PBX1: variants seen among roughly 807,000 people sequenced by gnomAD.
PBX1 encodes PBX homeobox 1.
Under a neutral mutation model 53.4 loss-of-function variants are expected in PBX1, and 6 were observed. The ratio of observed to expected loss-of-function variants is 0.11; its 90% CI spans 0.06 to 0.22. The LOEUF (loss-of-function observed/expected upper bound fraction) is 0.22. PBX1 is among the 10% of genes least tolerant of loss of function. PBX1 has a pLI of 1.00. For synonymous variants in PBX1, 204 were observed against 212.3 expected (o/e 0.96, Z 0.34); for missense variants, 251 against 551.4 (o/e 0.46, Z 5.46).
At chr1:164,663,326 CTT>C (rs1347188899) in intron 2 of PBX1, among the ~76,000 whole-genome samples, 1 of 152,018 alleles carries the variant, frequency 6.6e-6, no homozygotes, top group Non-Finnish European at 1.5e-5. Context: ...CTCTCTCTCT[CTT>C]CTTCCCTTTC....
intron 2 of PBX1, among the ~76,000 whole-genome samples, chr1:164,710,575 C>T (rs1273123781): frequency 6.6e-6 from 1 of 152,008 alleles, no homozygotes; most frequent in Non-Finnish European, 1.5e-5. Context: ...CCACACCTGG[C>T]TAATTTTGTA....
intron 2 of PBX1, among the ~76,000 whole-genome samples, chr1:164,588,874 G>A (rs1232917638): frequency 6.6e-6 from 1 of 152,068 alleles, no homozygotes; most frequent in African/African-American, 2.4e-5. Context: ...GCTGAGGGAG[G>A]CTGTTTCTAC....
chr1:164,655,963 G>A (rs1356274430), intron 2 of PBX1, among the ~76,000 whole-genome samples: 1 of 152,082 alleles, frequency 6.6e-6, no homozygotes, highest in African/African-American at 2.4e-5. Flanking sequence ...ATGTAGGATA[G>A]GTATTCACCA....
chr1:164,697,894 C>G (rs2102039693), intron 2 of PBX1, among the ~76,000 whole-genome samples: 1 of 152,312 alleles, frequency 6.6e-6, no homozygotes, highest in Admixed American at 6.5e-5. Context: ...TTGAACTAGA[C>G]AAGAAGAGAC....
chr1:164,749,171 A>G (rs73025087), intron 2 of PBX1, among the ~76,000 whole-genome samples: 5,834 of 152,292 alleles, frequency 0.038, 288 homozygotes, highest in African/African-American at 0.11. Context: ...TCAAATATAC[A>G]ACTCATTGCA....
chr1:164,786,720 T>TGTGCGCGC lies in PBX1; in HGVS notation c.266-5773_266-5772insTGCGCGCG, dbSNP rs1357886882. ...GTGTGTGTGTGTGTGTGTGTGTGTGTGCGCGCGCACACACACACACGCACA... is the reference window on the plus strand; with the variant it reads ...GTGTGTGTGTGTGTGTGTGTGTGTGTGTGCGCGCGCGCGCGCACACACACACACGCACA... On this transcript the variant is annotated intron_variant, in intron 2 of 8. Coordinates refer to ENST00000420696, the MANE Select transcript of PBX1 (RefSeq NM_002585.4). Among the ~76,000 whole-genome samples, 242 of 116,270 alleles carry TGTGCGCGC rather than the reference T, an allele frequency of 2.1e-3. 1 individual carries two copies. Among genetic ancestry groups the TGTGCGCGC allele is most frequent in the African/African-American group, 8.0e-3 (230 of 28,822 alleles). 76.3% of individuals were successfully genotyped at this position (116,270 alleles called of 152,430 possible).
intron 2 of PBX1, among the ~76,000 whole-genome samples, chr1:164,568,542 T>C (rs1653597577): frequency 6.6e-6 from 1 of 152,222 alleles, no homozygotes; most frequent in South Asian, 2.1e-4. Context: ...ATGCAATAAT[T>C]GATAAATAAG....
chr1:164,753,084 T>G (rs1666318914), intron 2 of PBX1, among the ~76,000 whole-genome samples: 1 of 152,162 alleles, frequency 6.6e-6, no homozygotes, highest in South Asian at 2.1e-4. Context: ...TGTTGGAGAA[T>G]AGTGAAAACG....
intron 2 of PBX1, among the ~76,000 whole-genome samples, chr1:164,729,616 TA>T (rs1056902306): frequency 6.6e-6 from 1 of 152,162 alleles, no homozygotes; most frequent in Non-Finnish European, 1.5e-5. Flanking sequence ...TTGAAAGAAG[TA>T]GATATGGTAG....
chr1:164,810,749 C>T (rs896029194), intron 5 of PBX1, among the ~76,000 whole-genome samples: 9 of 152,178 alleles, frequency 5.9e-5, no homozygotes, highest in African/African-American at 2.2e-4. Flanking sequence ...AAGTGTCCTT[C>T]CTCCTCCAGT....
intron 4 of PBX1, among the ~76,000 whole-genome samples, chr1:164,805,163 A>G (rs1324563664): frequency 6.6e-6 from 1 of 152,184 alleles, no homozygotes; most frequent in Non-Finnish European, 1.5e-5. Context: ...TCAGCTTCCA[A>G]ATTTCTTAAA....
At chr1:164,571,169 T>C (rs562788484) in intron 2 of PBX1, among the ~76,000 whole-genome samples, 7 of 152,344 alleles carry the variant, frequency 4.6e-5, no homozygotes, top group African/African-American at 1.7e-4. Flanking sequence ...TTTTTATAGC[T>C]TTCTTGAAAT....
chr1:164,722,206 C>T (rs1188804060), intron 2 of PBX1, among the ~76,000 whole-genome samples: 1 of 152,144 alleles, frequency 6.6e-6, no homozygotes, highest in Non-Finnish European at 1.5e-5. Context: ...AAGCCTTAAT[C>T]TCTTATGCTG....
intron 2 of PBX1, chr1:164,769,244 C>G (rs1213821119): frequency 2.0e-5 from 3 of 152,136 alleles, no homozygotes; most frequent in African/African-American, 7.2e-5. Context: ...AAATGAGACT[C>G]TGGCCCCAAA....
At chr1:164,686,909 A>T (rs1662132296) in intron 2 of PBX1, among the ~76,000 whole-genome samples, 1 of 151,962 alleles carries the variant, frequency 6.6e-6, no homozygotes, top group African/African-American at 2.4e-5. Context: ...GTAAGCAGAG[A>T]TCGTGCCACT....
At chr1:164,744,839 T>C (rs1665809836) in intron 2 of PBX1, among the ~76,000 whole-genome samples, 1 of 152,140 alleles carries the variant, frequency 6.6e-6, no homozygotes, top group Admixed American at 6.5e-5. Flanking sequence ...CAAACCTTAG[T>C]TGAGCTATTG....
chr1:164,566,284 A>G (rs1653427964), intron 2 of PBX1, among the ~76,000 whole-genome samples: 2 of 152,188 alleles, frequency 1.3e-5, no homozygotes, highest in African/African-American at 4.8e-5. Context: ...GAACCCATGC[A>G]TCTTCTTGCT....
chr1:164,780,585 C>G (rs145925049), intron 2 of PBX1, among the ~76,000 whole-genome samples: 1 of 152,194 alleles, frequency 6.6e-6, no homozygotes, highest in East Asian at 1.9e-4. Flanking sequence ...AGAACAGAGC[C>G]ATTCCTTAGG....
intron 2 of PBX1, among the ~76,000 whole-genome samples, chr1:164,711,799 C>T (rs763750849): frequency 3.9e-5 from 6 of 152,178 alleles, no homozygotes; most frequent in African/African-American, 4.8e-5. Flanking sequence ...ATGCCCCATT[C>T]GTAAGTATTC....
Sources: allele counts gnomAD v4.1 joint callset (sites outside exome capture counted in the v4.1 genomes callset), GRCh38; gene constraint gnomAD v4.1.1; transcripts MANE v1.5; gene names NCBI Gene and HGNC (gene_info 2026-07-23, HGNC 2026-07-21).